VPS13B: variants seen among roughly 807,000 people sequenced by gnomAD.
VPS13B encodes the protein intermembrane lipid transfer protein VPS13B.
A neutral mutation model predicts 426.4 loss-of-function variants in VPS13B; 285 were observed. The observed-to-expected ratio is 0.67, with a 90% CI of 0.61 to 0.74. VPS13B has a LOEUF of 0.74. VPS13B is among the 30% of genes least tolerant of loss of function. The pLI is 0.00. For missense variants in VPS13B, 4,537 were observed against 4,782.6 expected, an observed-to-expected ratio of 0.95 and a Z score of 1.51; for synonymous variants, 1,676 against 1,676.4, an observed-to-expected ratio of 1.00 and a Z score of 0.01.
At chr8:99,478,543 G>A (rs1489936476) in intron 24 of VPS13B, among the ~76,000 whole-genome samples, 3 of 148,216 alleles carry the variant, frequency 2.0e-5, no homozygotes, top group Non-Finnish European at 4.4e-5. Context: ...CGCCTCCTGG[G>A]TTCAAGCAAT....
intron 39 of VPS13B, among the ~76,000 whole-genome samples, chr8:99,747,163 GC>G (rs1389729866): frequency 6.6e-6 from 1 of 151,996 alleles, no homozygotes; most frequent in Non-Finnish European, 1.5e-5. Context: ...GGATTATTGG[GC>G]CAGAACTTGG....
chr8:99,619,487 C>T (rs1184939055), intron 33 of VPS13B, among the ~76,000 whole-genome samples: 1 of 152,174 alleles, frequency 6.6e-6, no homozygotes, highest in East Asian at 1.9e-4. Flanking sequence ...TGATGTAAGA[C>T]TAGCTTTTAG....
At chr8:99,817,481 A>T in intron 44 of VPS13B, 59 bp from the exon 45 acceptor site, 1 of 1,589,758 alleles carries the variant, frequency 6.3e-7, no homozygotes, top group Non-Finnish European at 8.6e-7. Flanking sequence ...GAATGATAAC[A>T]TATTTCCAGT....
intron 30 of VPS13B, among the ~76,000 whole-genome samples, chr8:99,533,497 A>G (rs1339807698): frequency 1.3e-5 from 2 of 152,198 alleles, no homozygotes; most frequent in Non-Finnish European, 2.9e-5. Flanking sequence ...AATGTTCCCA[A>G]TATGAAGTAA....
chr8:99,449,015 G>C (rs904951549), intron 23 of VPS13B, among the ~76,000 whole-genome samples: 1 of 152,096 alleles, frequency 6.6e-6, no homozygotes, highest in Non-Finnish European at 1.5e-5. Flanking sequence ...AGTAAGTATA[G>C]AGGATGGATT....
chr8:99,253,516 A>G (rs1817608850), intron 17 of VPS13B, among the ~76,000 whole-genome samples: 1 of 152,116 alleles, frequency 6.6e-6, no homozygotes, highest in Admixed American at 6.5e-5. Flanking sequence ...TATTATAACC[A>G]TTTTACTTGG....
chr8:99,267,174 G>T (rs1818350401), intron 17 of VPS13B, among the ~76,000 whole-genome samples: 1 of 152,192 alleles, frequency 6.6e-6, no homozygotes, highest in Non-Finnish European at 1.5e-5. Context: ...AATGCTGACA[G>T]TGATATGGAC....
At chr8:99,524,021 C>G (rs1340427477) in intron 30 of VPS13B, among the ~76,000 whole-genome samples, 1 of 152,014 alleles carries the variant, frequency 6.6e-6, no homozygotes, top group Non-Finnish European at 1.5e-5. Flanking sequence ...AGAATTGTAT[C>G]AGATAAATTT....
At chr8:99,170,223 A>G in intron 16 of VPS13B, 60 bp downstream of exon 16, 1 of 1,580,860 alleles carries the variant, frequency 6.3e-7, no homozygotes, top group African/African-American at 1.3e-5. Context: ...GAGGGAAAAA[A>G]CCCCCAAATG....
At chr8:99,424,671 C>T (rs1295974777) in intron 21 of VPS13B, 1 of 152,020 alleles carries the variant, frequency 6.6e-6, no homozygotes, top group Non-Finnish European at 1.5e-5. Context: ...AGAGCAAACA[C>T]ATTCAAAAGC....
chr8:99,776,721 A>G (rs950531188), intron 40 of VPS13B, 54 bp from the exon 41 acceptor site: 28 of 1,572,674 alleles, frequency 1.8e-5, no homozygotes, highest in African/African-American at 2.7e-5. Context: ...TTTCACTCAT[A>G]TAATATTGGG....
At chr8:99,820,333 C>T (rs888238260) in intron 49 of VPS13B, among the ~76,000 whole-genome samples, 6 of 151,742 alleles carry the variant, frequency 4.0e-5, no homozygotes, top group African/African-American at 1.5e-4. Context: ...CTTGAGTTAC[C>T]ATTAAATTTG....
In VPS13B at chr8:99,324,777, C is replaced by T. The variant is rs144827447; in HGVS notation, c.2824+49523C>T. On this transcript the variant is annotated intron_variant, in intron 19 of 61. Transcript: ENST00000357162. ...AATCTTGTATTCTAAAGAAAAGAAC[C>T]AATTATTTATATATTGAGGGGAATT... 2.3e-4 allele frequency among the ~76,000 whole-genome samples: 35 copies of T among 151,944 alleles called. No homozygotes were observed. The East Asian group carries it at 3.7e-3, about 16-fold the overall frequency.
intron 17 of VPS13B, among the ~76,000 whole-genome samples, chr8:99,264,378 T>C (rs541828819): frequency 3.1e-4 from 47 of 152,224 alleles, no homozygotes; most frequent in Non-Finnish European, 6.2e-4. Context: ...TACTCTCTTT[T>C]TTAGGTGGAG....
Position 99,642,042 on chromosome 8 carries a change from G to T in VPS13B, c.5452G>T (p.Ala1818Ser), listed in dbSNP as rs1829390453. The T allele has an allele frequency of 1.9e-6, 3 of 1,614,018 alleles. No homozygotes were observed. The highest frequency in any genetic ancestry group is 2.5e-6 in the Non-Finnish European group (3 of 1,180,000). Residue 1818 changes from alanine (A) to serine (S), a missense_variant, in exon 34 of 62, where the codon GCA becomes TCA. This residue lies in a region of VPS13B where 4,311 missense variants were observed against 4,474.3 expected (regional missense o/e 0.96). Coordinates refer to ENST00000357162, the MANE Select transcript of VPS13B (RefSeq NM_152564.5). Reference sequence around the variant, plus strand: ...TATTCCCTTTGACATATTTATTACTGCAAGTAGAATCTCACTAATGACCTA... The same window carrying T: ...TATTCCCTTTGACATATTTATTACTTCAAGTAGAATCTCACTAATGACCTA... ...NFIPFDIFITASRISLMTYSC... is the reference protein window; with the variant it reads ...NFIPFDIFITSSRISLMTYSC...
intron 16 of VPS13B, among the ~76,000 whole-genome samples, chr8:99,189,853 T>C (rs1481531452): frequency 1.3e-5 from 2 of 152,226 alleles, no homozygotes; most frequent in African/African-American, 4.8e-5. Flanking sequence ...TTTCAGCCTT[T>C]TTCATTCTAC....
chr8:99,658,788 GT>G (rs911261869), intron 34 of VPS13B, among the ~76,000 whole-genome samples: 2 of 151,406 alleles, frequency 1.3e-5, no homozygotes, highest in African/African-American at 2.4e-5. Context: ...ATCGGGTGTT[GT>G]TTTTTTTGTT....
At chr8:99,647,146 C>T (rs1829609885) in intron 34 of VPS13B, among the ~76,000 whole-genome samples, 1 of 151,944 alleles carries the variant, frequency 6.6e-6, no homozygotes, top group Admixed American at 6.5e-5. Context: ...AAAAAAAATC[C>T]TAGCACAATG....
chr8:99,613,499 T>C (rs1325934594), intron 33 of VPS13B, among the ~76,000 whole-genome samples: 1 of 152,212 alleles, frequency 6.6e-6, no homozygotes, highest in Non-Finnish European at 1.5e-5. Context: ...GCGACTATAC[T>C]TCCCTGTGTA....
Sources: gnomAD v4.1 joint callset for allele counts (sites outside exome capture counted in the v4.1 genomes callset) on GRCh38, gnomAD v4.1.1 for gene constraint, gnomAD v4.1.1 regional missense constraint, MANE v1.5 for transcripts, NCBI Gene and HGNC (gene_info 2026-07-23, HGNC 2026-07-21) for gene names.